The following RIMS1 variants were observed in gnomAD, a reference collection of about 807,000 sequenced individuals.
RIMS1 encodes the protein regulating synaptic membrane exocytosis 1, also known as regulating synaptic membrane exocytosis protein 1.
Under a neutral mutation model 214.1 loss-of-function variants are expected in RIMS1, and 83 were observed. That is an observed-to-expected ratio of 0.39 (90% confidence interval 0.32 to 0.47). RIMS1 has a LOEUF of 0.47. Ranked by LOEUF, RIMS1 falls within the 20% of genes least tolerant of loss-of-function variation. The pLI is 0.99. For synonymous variants in RIMS1, 793 were observed against 786.8 expected, an observed-to-expected ratio of 1.01 and a Z score of -0.13; for missense variants, 2,050 against 2,161.8, an observed-to-expected ratio of 0.95 and a Z score of 1.03.
rs1388997259 is a variant in RIMS1, at chr6:72,260,748, G to A, written c.3097G>A (p.Glu1033Lys). 6.2e-7 allele frequency: 1 copy of A among 1,612,258 alleles called. No individual in the cohort carries two copies. Residue 1033 changes from glutamate to lysine, a missense_variant, in exon 19 of 34, where the codon GAA (glutamate) becomes AAA (lysine). Around this residue, in one of 6 missense-constraint regions of RIMS1, gnomAD observed 889 missense variants for 885.5 expected, o/e 1.00. Coordinates refer to ENST00000521978, the MANE Select transcript of RIMS1 (RefSeq NM_014989.7). ...LPRAKRGRSA[E>K]CLHTTRHLVR... ...CAGAGCAAAACGAGGACGAAGTGCAGAATGCCTACATACTACCAGGTAAAT... is the reference window on the plus strand; with the variant it reads ...CAGAGCAAAACGAGGACGAAGTGCAAAATGCCTACATACTACCAGGTAAAT...
At chr6:72,112,836 G>A (rs1004217469) in intron 4 of RIMS1, among the ~76,000 whole-genome samples, 1 of 152,148 alleles carries the variant, frequency 6.6e-6, no homozygotes, top group African/African-American at 2.4e-5. Flanking sequence ...TGCTAGCTCT[G>A]TAGAAAAGGG....
chr6:72,029,573 C>T (rs1441231338), intron 2 of RIMS1, among the ~76,000 whole-genome samples: 3 of 152,086 alleles, frequency 2.0e-5, no homozygotes, highest in East Asian at 3.9e-4. Context: ...TTGGACTTCC[C>T]AGCCTCTAGA....
chr6:72,173,785 C>T (rs747241742), intron 4 of RIMS1, among the ~76,000 whole-genome samples: 9 of 151,890 alleles, frequency 5.9e-5, no homozygotes, highest in South Asian at 2.1e-4. Context: ...TAAACAAAAG[C>T]GAGGCATGAG....
chr6:72,362,932 C>T (rs1011172347), intron 29 of RIMS1, among the ~76,000 whole-genome samples: 2 of 152,154 alleles, frequency 1.3e-5, no homozygotes, highest in African/African-American at 4.8e-5. Context: ...AGGCACTATG[C>T]TGGGCTTAGA....
intron 6 of RIMS1, among the ~76,000 whole-genome samples, chr6:72,218,362 G>A (rs1353055085): frequency 2.6e-5 from 4 of 152,142 alleles, no homozygotes; most frequent in Non-Finnish European, 4.4e-5. Context: ...GCTGAGGGCA[G>A]CTGAAGAGAG....
chr6:72,134,600 T>G (rs990366069), intron 4 of RIMS1, among the ~76,000 whole-genome samples: 3 of 152,122 alleles, frequency 2.0e-5, no homozygotes, highest in African/African-American at 7.2e-5. Context: ...AGTTTCTTAT[T>G]CATAGAGGCA....
chr6:72,009,704 G>T (rs571104548), intron 2 of RIMS1, among the ~76,000 whole-genome samples: 3 of 152,090 alleles, frequency 2.0e-5, no homozygotes, highest in African/African-American at 7.2e-5. Flanking sequence ...ACACCACTAC[G>T]CAAATAAACT....
chr6:72,384,459 T>G (rs957980970), intron 29 of RIMS1, among the ~76,000 whole-genome samples: 10 of 152,218 alleles, frequency 6.6e-5, no homozygotes, highest in African/African-American at 2.4e-4. Context: ...TATTTTTTTC[T>G]TACTAAACCT....
intron 4 of RIMS1, among the ~76,000 whole-genome samples, chr6:72,162,786 G>A (rs1256606672): frequency 2.1e-5 from 3 of 140,100 alleles, no homozygotes; most frequent in Admixed American, 7.3e-5. Flanking sequence ...TCCCTTTGTG[G>A]GTAACCTGAC....
chr6:71,940,867 T>G (rs1785872310), intron 1 of RIMS1, among the ~76,000 whole-genome samples: 1 of 152,062 alleles, frequency 6.6e-6, no homozygotes, highest in African/African-American at 2.4e-5. Flanking sequence ...AAAAGACATG[T>G]TAGGGTTGTG....
intron 28 of RIMS1, among the ~76,000 whole-genome samples, chr6:72,326,667 C>A (rs1004498032): frequency 6.6e-6 from 1 of 151,638 alleles, no homozygotes; most frequent in African/African-American, 2.4e-5. Context: ...GACTCCATAC[C>A]CCCATTCCAG....
chr6:71,887,318 C>T lies in RIMS1; in HGVS notation c.164+131C>T, dbSNP rs564940403. ...GGTGCTGGGTGCGGACGGAGGCGCC[C>T]GCCTTGGGCCAGGGGCGCGGGGCTT... On this transcript the variant is annotated intron_variant, in intron 1 of 33. Transcript: ENST00000521978. 7.7e-4 allele frequency: 922 copies of T among 1,195,676 alleles called. 8 individuals are homozygous for T. The highest frequency in any genetic ancestry group is 5.4e-3 in the South Asian group (375 of 69,274). The allele number at this position is 1,195,676 out of a possible 1,614,324, so 74.1% of individuals were successfully genotyped here. A position where few individuals can be genotyped will look rare whatever the true frequency, so the allele number is the denominator to read the frequency against.
At chr6:72,325,392 A>G (rs2096406784) in intron 28 of RIMS1, among the ~76,000 whole-genome samples, 1 of 151,470 alleles carries the variant, frequency 6.6e-6, no homozygotes, top group Admixed American at 6.6e-5. Flanking sequence ...CTTAGCTTAA[A>G]AACAATTACA....
chr6:72,340,782 A>G (rs1187357146), intron 29 of RIMS1, among the ~76,000 whole-genome samples: 4 of 152,026 alleles, frequency 2.6e-5, no homozygotes, highest in African/African-American at 9.7e-5. Context: ...TTTTGGTTCC[A>G]TATGAACTTT....
intron 6 of RIMS1, chr6:72,217,271 T>A: frequency 6.7e-7 from 1 of 1,498,780 alleles, no homozygotes; most frequent in Non-Finnish European, 9.0e-7. Flanking sequence ...AATCTATGGA[T>A]AAATGTAAAG....
At chr6:72,285,660 CGATA>C (rs1309795405) in intron 24 of RIMS1, among the ~76,000 whole-genome samples, 5 of 152,060 alleles carry the variant, frequency 3.3e-5, no homozygotes, top group Admixed American at 6.6e-5. Context: ...ATTGATCAAT[CGATA>C]GATAGATAGC....
At chr6:71,959,970 G>C (rs1000175919) in intron 1 of RIMS1, among the ~76,000 whole-genome samples, 1 of 152,054 alleles carries the variant, frequency 6.6e-6, no homozygotes, top group African/African-American at 2.4e-5. Flanking sequence ...TGTGGGATTC[G>C]GAGCATGGTT....
At chr6:71,903,759 TG>T (rs200368703) in intron 1 of RIMS1, among the ~76,000 whole-genome samples, 19 of 151,652 alleles carry the variant, frequency 1.3e-4, no homozygotes, top group African/African-American at 4.6e-4. Context: ...TGTGTGTGTG[TG>T]TTTTTTTTTT....
At chr6:72,069,127 A>G (rs986964828) in intron 2 of RIMS1, among the ~76,000 whole-genome samples, 12 of 152,212 alleles carry the variant, frequency 7.9e-5, no homozygotes, top group Non-Finnish European at 1.6e-4. Context: ...TGAATGTAAT[A>G]TTGTCATACG....
Sources: allele counts gnomAD v4.1 joint callset (sites outside exome capture counted in the v4.1 genomes callset), GRCh38; gene constraint gnomAD v4.1.1; regional missense constraint gnomAD v4.1.1; transcripts MANE v1.5; gene names NCBI Gene and HGNC (gene_info 2026-07-23, HGNC 2026-07-21).